Variants in CTIF observed in about 807,000 individuals in gnomAD.
CTIF encodes cap binding complex dependent translation initiation factor.
In CTIF, 21 loss-of-function variants were observed where a neutral mutation model predicts 66.0. That is an observed-to-expected ratio of 0.32 (90% CI 0.23 to 0.46). The LOEUF is 0.46. Among genes scored for constraint, CTIF ranks in the 20% least tolerant of loss-of-function variants. CTIF has a pLI of 1.00. For missense variants in CTIF, 739 were observed against 812.7 expected, an observed-to-expected ratio of 0.91 and a Z score of 1.10; for synonymous variants, 345 against 326.4, an observed-to-expected ratio of 1.06 and a Z score of -0.62.
At position 48,557,523 on chromosome 18, in the gene CTIF, T is replaced by C. The variant is rs923165848; in HGVS notation, c.-29+18211T>C. On this transcript the variant is annotated intron_variant, in intron 1 of 11. Coordinates refer to ENST00000256413, the MANE Select transcript of CTIF (RefSeq NM_014772.3). ...CTGTCCTGGGGAGACAGCACAGCACTAGCAGCTGAAGAGAAGCAGAGCTGG... is the reference window on the plus strand; with the variant it reads ...CTGTCCTGGGGAGACAGCACAGCACCAGCAGCTGAAGAGAAGCAGAGCTGG... Among the ~76,000 whole-genome samples, 8 of 152,326 alleles carry C rather than the reference T, an allele frequency of 5.3e-5. No homozygotes were observed. In the East Asian group the frequency reaches 1.5e-3, roughly 29 times the overall value.
chr18:48,739,288 C>G (rs2092533403), intron 7 of CTIF, among the ~76,000 whole-genome samples: 1 of 152,202 alleles, frequency 6.6e-6, no homozygotes. Context: ...TTGAGGGAAA[C>G]TGGGGTGTCA....
At chr18:48,744,556 AT>A (rs1469356190) in intron 7 of CTIF, among the ~76,000 whole-genome samples, 2 of 151,866 alleles carry the variant, frequency 1.3e-5, no homozygotes, top group Non-Finnish European at 2.9e-5. Flanking sequence ...TCTCGTATAC[AT>A]TTTTTTCTGA....
chr18:48,574,166 G>C (rs1445285714), intron 1 of CTIF, among the ~76,000 whole-genome samples: 1 of 152,232 alleles, frequency 6.6e-6, no homozygotes, highest in Non-Finnish European at 1.5e-5. Context: ...TGAAGAGGGA[G>C]GGTCTCTGTT....
intron 10 of CTIF, among the ~76,000 whole-genome samples, chr18:48,846,236 A>G (rs1189795902): frequency 6.6e-6 from 1 of 152,034 alleles, no homozygotes; most frequent in African/African-American, 2.4e-5. Context: ...GCTAGTGCAC[A>G]TTTTTTGCTT....
chr18:48,669,800 T>G, intron 5 of CTIF, among the ~76,000 whole-genome samples: 1 of 64,142 alleles, frequency 1.6e-5, no homozygotes, highest in Non-Finnish European at 3.0e-5. Context: ...CATTTATATA[T>G]ATATATATAT....
At chr18:48,666,219 A>G (rs762012077) in intron 5 of CTIF, among the ~76,000 whole-genome samples, 9 of 151,646 alleles carry the variant, frequency 5.9e-5, no homozygotes, top group Non-Finnish European at 1.3e-4. Flanking sequence ...TCTCCCTTTC[A>G]CTTCAGGTCT....
At chr18:48,676,689 G>C (rs1312087711) in intron 6 of CTIF, among the ~76,000 whole-genome samples, 1 of 152,032 alleles carries the variant, frequency 6.6e-6, no homozygotes, top group Non-Finnish European at 1.5e-5. Flanking sequence ...AGGCTCAGGG[G>C]ACGGAAAGTG....
chr18:48,815,532 T>A (rs200109192), intron 9 of CTIF, among the ~76,000 whole-genome samples: 1 of 152,374 alleles, frequency 6.6e-6, no homozygotes, highest in African/African-American at 2.4e-5. Context: ...AAAATAGTTA[T>A]AGATACACAC....
rs1568196579 is a variant in CTIF at position 48,761,508 on chromosome 18, T to C, written c.1190T>C (p.Met397Thr). Reference sequence around the variant, plus strand: ...GTGGACACCAAGCTCACCACCTTCATGGAGGAGGCCCAGAACTCCACCAAC... The same window carrying C: ...GTGGACACCAAGCTCACCACCTTCACGGAGGAGGCCCAGAACTCCACCAAC... The part of the protein sequence containing the change: ...SDVDTKLTTF[M>T]EEAQNSTNSE... Residue 397 changes from methionine (M) to threonine (T), a missense_variant, in exon 9 of 12, where the codon ATG (methionine) becomes ACG (threonine). Physicochemically the swap from Met to Thr is moderately conservative, Grantham distance 81. Coordinates refer to ENST00000256413, the MANE Select transcript of CTIF (RefSeq NM_014772.3). The surrounding 1 kb of genome is among the most constrained non-coding windows in gnomAD (Gnocchi z 4.2). 5 of 1,614,116 alleles carry C rather than the reference T, an allele frequency of 3.1e-6. No individual in the cohort carries two copies. The highest frequency in any genetic ancestry group is 4.2e-6 in the Non-Finnish European group (5 of 1,180,024).
intron 2 of CTIF, among the ~76,000 whole-genome samples, chr18:48,624,639 T>C (rs1297021364): frequency 6.6e-6 from 1 of 152,034 alleles, no homozygotes; most frequent in Non-Finnish European, 1.5e-5. Flanking sequence ...CTGTGAGAAA[T>C]ACTGATGTAC....
intron 10 of CTIF, among the ~76,000 whole-genome samples, chr18:48,855,055 GTCTT>G (rs1395190517): frequency 1.2e-4 from 18 of 152,262 alleles, no homozygotes; most frequent in Admixed American, 1.0e-3. Flanking sequence ...GGCCTGGTCT[GTCTT>G]GTTCTCTGCA....
chr18:48,678,441 A>C (rs1252471660), intron 6 of CTIF, among the ~76,000 whole-genome samples: 7 of 151,454 alleles, frequency 4.6e-5, no homozygotes, highest in Non-Finnish European at 1.0e-4. Flanking sequence ...TTCCTCCCTC[A>C]GGACAAAAAT....
chr18:48,647,611 A>G (rs1345672155), intron 3 of CTIF, among the ~76,000 whole-genome samples: 1 of 152,264 alleles, frequency 6.6e-6, no homozygotes, highest in Non-Finnish European at 1.5e-5. Context: ...AAAAAGTATA[A>G]AAAGTGTAAT....
chr18:48,781,360 A>T (rs1280410299), intron 9 of CTIF, among the ~76,000 whole-genome samples: 1 of 152,212 alleles, frequency 6.6e-6, no homozygotes, highest in East Asian at 1.9e-4. Context: ...ACTCGGCGTC[A>T]CAGTCTAGGG....
chr18:48,609,341 G>A (rs990344177), intron 1 of CTIF, among the ~76,000 whole-genome samples: 16 of 152,216 alleles, frequency 1.1e-4, no homozygotes, highest in Non-Finnish European at 2.2e-4. Flanking sequence ...GGTGGGCCTT[G>A]AGGGAAAAGG....
chr18:48,546,896 G>T (rs975026455), intron 1 of CTIF, among the ~76,000 whole-genome samples: 5 of 152,234 alleles, frequency 3.3e-5, no homozygotes, highest in Admixed American at 6.5e-5. Flanking sequence ...CCTCAGGCCT[G>T]TTAGAGCTTT....
chr18:48,689,931 C>G (rs2091901777), intron 6 of CTIF, among the ~76,000 whole-genome samples: 1 of 152,180 alleles, frequency 6.6e-6, no homozygotes, highest in East Asian at 1.9e-4. Context: ...AAAGACTTAT[C>G]CCATTTCCCC....
chr18:48,721,523 G>T (rs902868144), intron 7 of CTIF, among the ~76,000 whole-genome samples: 2 of 152,234 alleles, frequency 1.3e-5, no homozygotes, highest in African/African-American at 4.8e-5. Flanking sequence ...CCCGGGGACA[G>T]TGTGTCTGGT....
At chr18:48,561,366 A>T (rs1162570655) in intron 1 of CTIF, among the ~76,000 whole-genome samples, 1 of 152,156 alleles carries the variant, frequency 6.6e-6, no homozygotes, top group Admixed American at 6.5e-5. Context: ...TAATAATTTA[A>T]AAGTGGCTCC....
Sources: allele counts gnomAD v4.1 joint callset (sites outside exome capture counted in the v4.1 genomes callset), GRCh38; gene constraint gnomAD v4.1.1; non-coding constraint Gnocchi (gnomAD v3.1); transcripts MANE v1.5; gene names NCBI Gene and HGNC (gene_info 2026-07-23, HGNC 2026-07-21).